PARP2: variants seen among roughly 807,000 people sequenced by gnomAD.
PARP2 encodes poly(ADP-ribose) polymerase 2.
PARP2 carries 57 observed loss-of-function variants against 77.8 expected under a neutral mutation model. The observed-to-expected ratio is 0.73, with a 90% CI of 0.59 to 0.91. The LOEUF (loss-of-function observed/expected upper bound fraction) is 0.91. PARP2 is among the 40% of genes least tolerant of loss of function. PARP2 has a pLI of 0.00. For missense variants in PARP2, 651 were observed against 689.0 expected (o/e 0.94, Z 0.62); for synonymous variants, 226 against 242.6 (o/e 0.93, Z 0.64).
intron 4 of PARP2, among the ~76,000 whole-genome samples, chr14:20,349,864 A>G (rs1002818827): frequency 4.6e-5 from 7 of 152,192 alleles, no homozygotes; most frequent in Non-Finnish European, 1.0e-4. Flanking sequence ...ACCAGCTGCT[A>G]TGCCTTATCA....
chr14:20,355,167 G>A (rs1884099635), intron 9 of PARP2: 2 of 452,308 alleles, frequency 4.4e-6, no homozygotes, highest in Non-Finnish European at 7.7e-6. Context: ...TGACAAAGTG[G>A]AAGTTACCAA....
chr14:20,355,126 A>G (rs1474239023), intron 9 of PARP2, 179 bp downstream of exon 9: 12 of 556,720 alleles, frequency 2.2e-5, no homozygotes. Context: ...TATGGGATGC[A>G]ATCTCCCGGC....
At chr14:20,347,484 C>T (rs1375125014) in intron 4 of PARP2, among the ~76,000 whole-genome samples, 3 of 122,766 alleles carry the variant, frequency 2.4e-5, no homozygotes, top group African/African-American at 3.2e-5. Flanking sequence ...GGTGCAATCT[C>T]GGCTCACTGC....
At chr14:20,345,194 A>G in intron 2 of PARP2, 107 bp downstream of exon 2, 1 of 1,311,826 alleles carries the variant, frequency 7.6e-7, no homozygotes, top group South Asian at 1.3e-5. Context: ...TCAGGGAATA[A>G]TTAATTTCTC....
intron 7 of PARP2, 43 bp from the exon 8 acceptor site, chr14:20,354,042 G>T: frequency 1.3e-6 from 2 of 1,497,582 alleles, no homozygotes; most frequent in South Asian, 2.3e-5. Context: ...ATCTAGAGAT[G>T]ATTTCTTAGA....
chr14:20,349,339 A>C (rs535100359), intron 4 of PARP2, among the ~76,000 whole-genome samples: 1 of 151,548 alleles, frequency 6.6e-6, no homozygotes, highest in South Asian at 2.1e-4. Context: ...AAAAATAAAA[A>C]CCATAAAAAC....
At chr14:20,348,199 G>A (rs1196151598) in intron 4 of PARP2, among the ~76,000 whole-genome samples, 2 of 151,942 alleles carry the variant, frequency 1.3e-5, no homozygotes, top group East Asian at 3.9e-4. Context: ...TAAAGTTATT[G>A]GTCCTTTTCT....
At position 20,354,797 on chromosome 14, in the gene PARP2, G is replaced by A. The variant is rs749402496; in HGVS notation, c.764-12G>A. ...TCCTAGTTTGGAGTCTGATCTCTGG[G>A]TGGGCCTGCAGGGAAGCTGACAGTG... On this transcript the variant is annotated splice_polypyrimidine_tract_variant and intron_variant, in intron 8 of 15. Transcript: ENST00000429687. 4 of 1,607,234 alleles carry A rather than the reference G, an allele frequency of 2.5e-6. No individual in the cohort carries two copies. Among genetic ancestry groups the A allele is most frequent in the African/African-American group, 1.3e-5 (1 of 74,654 alleles).
At chr14:20,357,198 T>C (rs1187663105) in intron 14 of PARP2, 49 bp downstream of exon 14, 2 of 1,468,244 alleles carry the variant, frequency 1.4e-6, no homozygotes, top group Middle Eastern at 1.7e-4. Flanking sequence ...TTCCAGTTTT[T>C]TTCCGATGAG....
At chr14:20,347,227 G>A (rs1437504839) in intron 4 of PARP2, among the ~76,000 whole-genome samples, 2 of 145,788 alleles carry the variant, frequency 1.4e-5, no homozygotes, top group South Asian at 2.2e-4. Flanking sequence ...ACAAGGTTTC[G>A]CCACGTTAGC....
intron 4 of PARP2, 104 bp from the exon 5 acceptor site, chr14:20,350,422 C>A: frequency 1.6e-6 from 1 of 607,048 alleles, no homozygotes; most frequent in South Asian, 2.2e-5. Flanking sequence ...CTATCCTTTT[C>A]CTTATGGAAA....
intron 5 of PARP2, 136 bp from the exon 6 acceptor site, chr14:20,350,911 A>G: frequency 3.0e-6 from 2 of 673,134 alleles, no homozygotes. Flanking sequence ...TTGTATCAAC[A>G]TGATTAGTTC....
At position 20,349,984 on chromosome 14, in the gene PARP2, G is replaced by A. The variant is rs114436074; in HGVS notation, c.325-542G>A. ...AGTCAGGTCAGGTTAGGTATGGGAC[G>A]GATGTGGCAGTGGTTTTGCGTATCC... is the stretch of plus-strand genomic sequence containing the variant. On this transcript the variant is annotated intron_variant, in intron 4 of 15. Coordinates refer to ENST00000429687, the MANE Select transcript of PARP2 (RefSeq NM_001042618.2). 3.1e-3 allele frequency among the ~76,000 whole-genome samples: 472 copies of A among 152,238 alleles called. 1 individual carries two copies. Among genetic ancestry groups the A allele is most frequent in the Middle Eastern group, 0.02 (6 of 294 alleles).
chr14:20,345,846 GGA>G (rs148327921), intron 3 of PARP2, among the ~76,000 whole-genome samples: 1 of 151,612 alleles, frequency 6.6e-6, no homozygotes, highest in African/African-American at 2.4e-5. Context: ...CAAAAGCAGG[GGA>G]GAGAGAGAGA....
chr14:20,349,714 C>G (rs1243215500), intron 4 of PARP2, among the ~76,000 whole-genome samples: 1 of 151,930 alleles, frequency 6.6e-6, no homozygotes, highest in Admixed American at 6.6e-5. Flanking sequence ...GTTCTAACAT[C>G]TAATGACCTT....
chr14:20,347,386 A>T (rs1161331088), intron 4 of PARP2, among the ~76,000 whole-genome samples: 1 of 15,266 alleles, frequency 6.6e-5, no homozygotes, highest in African/African-American at 2.5e-4. Context: ...ATATATATAT[A>T]TATATATATA....
At chr14:20,357,602 A>T (rs1008722328) in intron 15 of PARP2, 36 bp from the exon 16 acceptor site, 3 of 1,607,934 alleles carry the variant, frequency 1.9e-6, no homozygotes, top group Non-Finnish European at 2.5e-6. Flanking sequence ...TCTGAACCAG[A>T]GACTGATGTT....
In PARP2 at chr14:20,354,128, T is replaced by G; in HGVS notation, c.644T>G (p.Leu215Trp). 1 of 1,613,424 alleles carries G rather than the reference T, an allele frequency of 6.2e-7. No individual in the cohort carries two copies. Among genetic ancestry groups the G allele is most frequent in the Non-Finnish European group, 8.5e-7 (1 of 1,179,392 alleles). ...TKKEESLKSP[L>W]KPESQLDLRV... ...AAAGAGGAATCTCTTAAATCTCCCT[T>G]GAAGCCAGAGTCACAGCTAGATCTT... The change falls in exon 8 of 16, where the codon TTG becomes TGG. Residue 215 changes from leucine to tryptophan, a missense_variant. Coordinates refer to ENST00000429687, the MANE Select transcript of PARP2 (RefSeq NM_001042618.2).
intron 11 of PARP2, 37 bp downstream of exon 11, chr14:20,356,068 C>T (rs754621410): frequency 3.1e-6 from 5 of 1,601,866 alleles, no homozygotes; most frequent in Admixed American, 1.7e-5. Flanking sequence ...TATTCTTGCA[C>T]CCTTAACCAC....
Sources: gnomAD v4.1 joint callset for allele counts (sites outside exome capture counted in the v4.1 genomes callset) on GRCh38, gnomAD v4.1.1 for gene constraint, MANE v1.5 for transcripts, NCBI Gene and HGNC (gene_info 2026-07-23, HGNC 2026-07-21) for gene names.